The following RGPD1 variants were observed in gnomAD, a reference collection of about 807,000 sequenced individuals.
RGPD1 encodes the protein RANBP2-like and GRIP domain-containing protein 1.
In RGPD1, 7 loss-of-function variants were observed where a neutral mutation model predicts 40.6. The ratio of observed to expected loss-of-function variants is 0.17; its 90% CI spans 0.10 to 0.32. RGPD1 has a LOEUF of 0.32. RGPD1 is among the 10% of genes least tolerant of loss of function. The pLI is 1.00. For synonymous variants in RGPD1, 24 were observed against 167.0 expected (o/e 0.14, Z 6.60); for missense variants, 50 against 472.5 (o/e 0.11, Z 8.29).
chr2:86,930,124 C>T (rs1678815282), intron 1 of RGPD1: 30 of 1,542,590 alleles, frequency 1.9e-5, no homozygotes, highest in Middle Eastern at 2.3e-4. Context: ...AGTTAAACGG[C>T]GATAGCGGCA....
rs1217216643 is a variant in RGPD1 at position 86,923,124 on chromosome 2, C to T, written c.72+9203C>T. On this transcript the variant is annotated intron_variant, in intron 1 of 22. Transcript: ENST00000398193. The stretch of plus-strand genomic sequence containing the variant: ...CACGATCTGAGCTCACTGCAATCTC[C>T]GCCTCCCAGGTTCAAGCAGTTCTCC... Among the ~76,000 whole-genome samples the T allele has an allele frequency of 6.9e-5, 10 of 144,252 alleles. No individual in the cohort carries two copies. The South Asian group carries it at 1.8e-3, about 26-fold the overall frequency. 94.6% of individuals were successfully genotyped at this position (144,252 alleles called of 152,430 possible).
chr2:86,945,439 G>A (rs1363616152), intron 1 of RGPD1, among the ~76,000 whole-genome samples: 1 of 152,164 alleles, frequency 6.6e-6, no homozygotes, highest in Non-Finnish European at 1.5e-5. Flanking sequence ...AATATAAAGA[G>A]GTTAATATTC....
chr2:86,945,292 C>T (rs569010317), intron 1 of RGPD1, among the ~76,000 whole-genome samples: 18 of 151,908 alleles, frequency 1.2e-4, no homozygotes, highest in African/African-American at 4.3e-4. Flanking sequence ...GGGATTTCAG[C>T]GGAATATGGA....
intron 17 of RGPD1, 134 bp downstream of exon 17, chr2:86,978,065 CT>C (rs369425518): frequency 1.9e-6 from 1 of 512,976 alleles, no homozygotes; most frequent in East Asian, 3.9e-5. Flanking sequence ...ACATTTTGGT[CT>C]TTTTTTTTTT....
At chr2:86,944,284 C>A (rs965489288) in intron 1 of RGPD1, among the ~76,000 whole-genome samples, 1 of 152,064 alleles carries the variant, frequency 6.6e-6, no homozygotes, top group Non-Finnish European at 1.5e-5. Flanking sequence ...GGATAGATAT[C>A]TACTTGTACA....
rs1681055009 is a variant in RGPD1 at position 86,963,887 on chromosome 2, GTGC to G, written c.975+665_975+667del. On this transcript the variant is annotated intron_variant, in intron 7 of 22. Coordinates refer to ENST00000641458, the MANE Select transcript of RGPD1 (RefSeq NM_001382344.1). ...CCCGAGTAGCTGGGACTACAGGCCC[GTGC>G]TACCAAGCCCAGCTAATTTTTTGTA... Among the ~76,000 whole-genome samples, 2 of 117,714 alleles carry G rather than the reference GTGC, an allele frequency of 1.7e-5. 1 individual carries two copies. The highest frequency in any genetic ancestry group is 1.6e-4 in the Admixed American group (2 of 12,432). 77.2% of individuals were successfully genotyped at this position (117,714 alleles called of 152,430 possible).
intron 1 of RGPD1, among the ~76,000 whole-genome samples, chr2:86,927,277 AT>A (rs1678579950): frequency 1.3e-5 from 2 of 149,290 alleles, no homozygotes; most frequent in African/African-American, 5.0e-5. Context: ...TATTGTTGAA[AT>A]TACTAAAGGA....
At chr2:87,007,130 TA>T (rs1462137208) in intron 22 of RGPD1, among the ~76,000 whole-genome samples, 6 of 49,722 alleles carry the variant, frequency 1.2e-4, no homozygotes, top group Admixed American at 2.6e-4. Flanking sequence ...GCTCTTTCCC[TA>T]AAGCCTGTTT....
At chr2:87,000,647 T>C in intron 22 of RGPD1, among the ~76,000 whole-genome samples, 1 of 86,080 alleles carries the variant, frequency 1.2e-5, no homozygotes, top group Non-Finnish European at 2.3e-5. Flanking sequence ...CCTTACATTT[T>C]CTCTTTAAGA....
intron 22 of RGPD1, among the ~76,000 whole-genome samples, chr2:87,009,022 A>C (rs979384410): frequency 8.7e-5 from 13 of 150,176 alleles, no homozygotes; most frequent in Non-Finnish European, 1.0e-4. Context: ...AAAGAGAAAG[A>C]AAGCCAGGCA....
chr2:86,993,537 G>GATGA (rs1681716527), intron 20 of RGPD1, among the ~76,000 whole-genome samples: 1 of 65,394 alleles, frequency 1.5e-5, no homozygotes, highest in Non-Finnish European at 2.7e-5. Context: ...TGGATGGATG[G>GATGA]ATGAGATGGA....
chr2:86,944,888 T>G (rs1409711763), intron 1 of RGPD1, among the ~76,000 whole-genome samples: 1 of 151,618 alleles, frequency 6.6e-6, no homozygotes, highest in African/African-American at 2.4e-5. Context: ...ATGCCCGGCT[T>G]TTTTCTTTAA....
chr2:86,997,132 A>G (rs1298218725), intron 21 of RGPD1, among the ~76,000 whole-genome samples: 2 of 147,346 alleles, frequency 1.4e-5, no homozygotes, highest in African/African-American at 2.6e-5. Context: ...ACTCATTTCC[A>G]CCTCTTCATC....
chr2:86,923,544 C>T (rs62148265), intron 1 of RGPD1, among the ~76,000 whole-genome samples: 38,240 of 148,926 alleles, frequency 0.26, 5,971 homozygotes, highest in East Asian at 0.45. Flanking sequence ...GACGGAGTCT[C>T]GCCTTATCGC....
In RGPD1 at chr2:87,000,493, G is replaced by A. The variant is rs1362668610; in HGVS notation, c.5236+2735G>A. On this transcript the variant is annotated intron_variant, in intron 22 of 22. Coordinates refer to ENST00000641458, the MANE Select transcript of RGPD1 (RefSeq NM_001382344.1). ...CCCAGAACTCTAAGATGTGCATTTG[G>A]TAAGTCCTGTAAACAGACAGGAAAA... Among the ~76,000 whole-genome samples, 2 of 94,054 alleles carry A rather than the reference G, an allele frequency of 2.1e-5. 1 individual carries two copies. The highest frequency in any genetic ancestry group is 1.2e-4 in the African/African-American group (2 of 16,926). 61.7% of individuals were successfully genotyped at this position (94,054 alleles called of 152,430 possible). A position where few individuals can be genotyped will look rare whatever the true frequency, so the allele number is the denominator to read the frequency against.
chr2:87,007,391 G>A (rs1682093075), intron 22 of RGPD1, among the ~76,000 whole-genome samples: 1 of 151,906 alleles, frequency 6.6e-6, no homozygotes, highest in South Asian at 2.1e-4. Context: ...TGGTTTTTTT[G>A]TTTGTTTTGA....
At chr2:86,919,969 T>G (rs1316952711) in intron 1 of RGPD1, among the ~76,000 whole-genome samples, 3 of 151,304 alleles carry the variant, frequency 2.0e-5, no homozygotes, top group African/African-American at 7.3e-5. Flanking sequence ...CTGAGTGAGA[T>G]ACTGTTTTTA....
intron 1 of RGPD1, among the ~76,000 whole-genome samples, chr2:86,942,749 C>T (rs572347135): frequency 8.6e-5 from 13 of 151,004 alleles, no homozygotes; most frequent in Admixed American, 5.3e-4. Context: ...TGGCTCCTGA[C>T]GGGCGCTGCT....
At chr2:86,913,945 A>ACGGCCTCGACGTGGCGGGGCGG (rs1677567095) in intron 1 of RGPD1, 2 of 1,224,756 alleles carry the variant, frequency 1.6e-6, no homozygotes, top group African/African-American at 5.8e-5. Context: ...GAAGAGACCG[A>ACGGCCTCGACGTGGCGGGGCGG]CGGCCTCGAC....
Sources: allele counts gnomAD v4.1 joint callset (sites outside exome capture counted in the v4.1 genomes callset), GRCh38; gene constraint gnomAD v4.1.1; transcripts MANE v1.5; gene names NCBI Gene and HGNC (gene_info 2026-07-23, HGNC 2026-07-21).